The following CREM variants were observed in gnomAD, a reference collection of about 807,000 sequenced individuals.
CREM encodes the protein cAMP responsive element modulator.
A neutral mutation model predicts 37.3 loss-of-function variants in CREM; 13 were observed. The observed-to-expected ratio is 0.35, with a 90% CI of 0.23 to 0.55. The LOEUF is 0.55. Among genes scored for constraint, CREM ranks in the 20% least tolerant of loss-of-function variants. The probability of loss-of-function intolerance (pLI) is 0.88; values close to 1 mark genes in which losing one functional copy is unlikely to be tolerated. For missense variants in CREM, 296 were observed against 362.3 expected (o/e 0.82, Z 1.49); for synonymous variants, 124 against 120.2 (o/e 1.03, Z -0.21).
intron 1 of CREM, among the ~76,000 whole-genome samples, 154 bp from the exon 2 acceptor site, chr10:35,137,627 TG>T (rs1003418921): frequency 6.6e-6 from 1 of 151,950 alleles, no homozygotes; most frequent in South Asian, 2.1e-4. Flanking sequence ...TTTTTTTTGG[TG>T]GGGGGGAGTT....
At chr10:35,189,850 G>C (rs1019738823) in intron 6 of CREM, among the ~76,000 whole-genome samples, 5 of 152,168 alleles carry the variant, frequency 3.3e-5, no homozygotes, top group Non-Finnish European at 7.4e-5. Flanking sequence ...TGTCTTGCAG[G>C]TATGATAAGC....
In CREM at chr10:35,137,845, T is replaced by A; in HGVS notation, c.10T>A (p.Cys4Ser). The change falls in exon 2 of 8, where the codon TGT becomes AGT. Residue 4 changes from cysteine to serine, a missense_variant. Transcript: ENST00000685392. ...TACAAATATCTTAACAATGAGCAAA[T>A]GTGCAAGGAAAAAATATATTAAGAC... MSKCARKKYIKTNP... is the reference protein window; with the variant it reads MSKSARKKYIKTNP... 1.3e-6 allele frequency: 2 copies of A among 1,585,254 alleles called. No individual in the cohort carries two copies. Among genetic ancestry groups the A allele is most frequent in the Non-Finnish European group, 1.7e-6 (2 of 1,164,394 alleles).
At chr10:35,163,847 AAAC>A (rs1025921958) in intron 3 of CREM, among the ~76,000 whole-genome samples, 39 of 152,082 alleles carry the variant, frequency 2.6e-4, no homozygotes, top group African/African-American at 8.7e-4. Context: ...AAACAAAAAA[AAAC>A]AATTAGTTGA....
At chr10:35,156,642 T>C (rs2092934804) in intron 3 of CREM, among the ~76,000 whole-genome samples, 1 of 152,240 alleles carries the variant, frequency 6.6e-6, no homozygotes, top group Non-Finnish European at 1.5e-5. Flanking sequence ...AACAGAGGCT[T>C]TGGGAAATTT....
At position 35,211,906 on chromosome 10, in the gene CREM, CT is replaced by C. The variant is rs1266335944; in HGVS notation, c.*510del. 17 of 1,146,814 alleles carry C rather than the reference CT, an allele frequency of 1.5e-5. No individual in the cohort carries two copies. The highest frequency in any genetic ancestry group is 1.9e-5 in the Non-Finnish European group (16 of 846,052). The allele number at this position is 1,146,814 out of a possible 1,614,324, so 71.0% of individuals were successfully genotyped here. On this transcript the variant is annotated 3_prime_UTR_variant, in exon 8 of 8. Coordinates refer to ENST00000685392, the MANE Select transcript of CREM (RefSeq NM_183011.2). Reference sequence around the variant, plus strand: ...GGCTTCTTTTCTTTGTATCATTCATCTTCTTCTTTAATCACTTAACATTCCT... The same window carrying C: ...GGCTTCTTTTCTTTGTATCATTCATCTCTTCTTTAATCACTTAACATTCCT...
chr10:35,180,803 T>TCGTCCCCC (rs2094319654), intron 5 of CREM, among the ~76,000 whole-genome samples: 1 of 152,154 alleles, frequency 6.6e-6, no homozygotes, highest in African/African-American at 2.4e-5. Context: ...GCTGAGTGCC[T>TCGTCCCCC]CGTCCCCCCG....
At position 35,194,133 on chromosome 10, in the gene CREM, G is replaced by C. The variant is rs1176837222; in HGVS notation, c.598+5745G>C. On this transcript the variant is annotated intron_variant, in intron 6 of 7. Transcript: ENST00000685392. Reference sequence around the variant, plus strand: ...AAAAAAAAAAAAAAAAAGACAAAAGGTCTCAGTGGCATGTCACTTATTTTT... The same window carrying C: ...AAAAAAAAAAAAAAAAAGACAAAAGCTCTCAGTGGCATGTCACTTATTTTT... Among the ~76,000 whole-genome samples the C allele has an allele frequency of 2.9e-5, 3 of 102,452 alleles. No individual in the cohort carries two copies. In the East Asian group the frequency reaches 8.7e-4, roughly 30 times the overall value. 67.2% of individuals were successfully genotyped at this position (102,452 alleles called of 152,430 possible).
chr10:35,146,470 C>T (rs995531439), intron 2 of CREM, among the ~76,000 whole-genome samples: 11 of 152,196 alleles, frequency 7.2e-5, no homozygotes, highest in Middle Eastern at 6.8e-3. Flanking sequence ...TACCCTTTTT[C>T]CCCAGATAAT....
chr10:35,207,136 T>TA (rs1437859270), intron 7 of CREM, 85 bp downstream of exon 7: 5 of 1,418,936 alleles, frequency 3.5e-6, no homozygotes, highest in African/African-American at 1.4e-5. Flanking sequence ...CTCACGCCTG[T>TA]AATCCCAGCA....
At chr10:35,164,603 T>G (rs1032231808) in intron 3 of CREM, among the ~76,000 whole-genome samples, 7 of 152,236 alleles carry the variant, frequency 4.6e-5, no homozygotes, top group Non-Finnish European at 8.8e-5. Flanking sequence ...ATTTCAGATT[T>G]CATGGTAAGA....
intron 6 of CREM, among the ~76,000 whole-genome samples, chr10:35,191,149 C>T (rs965873645): frequency 2.8e-5 from 4 of 144,642 alleles, no homozygotes; most frequent in South Asian, 2.2e-4. Context: ...TTTTTCTTCA[C>T]GGAGATCTTG....
chr10:35,194,858 G>A (rs2095081282), intron 6 of CREM, among the ~76,000 whole-genome samples: 1 of 151,392 alleles, frequency 6.6e-6, no homozygotes, highest in Admixed American at 6.6e-5. Flanking sequence ...TAAAGAAGTA[G>A]CCCTGTAAGA....
chr10:35,211,474 T>C lies in CREM; in HGVS notation c.*76T>C. ...AGTCCTACTTATTGCCATGTGGACT[T>C]GTGGGAAGGACACGTGTGACCCTTA... On this transcript the variant is annotated 3_prime_UTR_variant, in exon 8 of 8. Transcript: ENST00000685392. 1 of 1,550,308 alleles carries C rather than the reference T, an allele frequency of 6.5e-7. No homozygotes were observed. The highest frequency in any genetic ancestry group is 8.7e-7 in the Non-Finnish European group (1 of 1,144,150).
intron 3 of CREM, among the ~76,000 whole-genome samples, chr10:35,157,438 C>T (rs1465880303): frequency 1.3e-5 from 2 of 151,984 alleles, no homozygotes; most frequent in Non-Finnish European, 2.9e-5. Flanking sequence ...AAGAGACCAG[C>T]CTGGGCAACA....
intron 3 of CREM, among the ~76,000 whole-genome samples, chr10:35,159,901 A>C (rs975128544): frequency 6.6e-6 from 1 of 152,254 alleles, no homozygotes; most frequent in East Asian, 1.9e-4. Context: ...AAAAATGTGC[A>C]GAAGACCCGA....
At chr10:35,168,986 T>C (rs2093679785) in intron 3 of CREM, among the ~76,000 whole-genome samples, 1 of 152,228 alleles carries the variant, frequency 6.6e-6, no homozygotes, top group Non-Finnish European at 1.5e-5. Context: ...TACCATGCTG[T>C]TTTGGTTACT....
chr10:35,156,688 G>T (rs932091291), intron 3 of CREM, among the ~76,000 whole-genome samples: 3 of 152,182 alleles, frequency 2.0e-5, no homozygotes, highest in Admixed American at 6.5e-5. Flanking sequence ...TATCTTCATA[G>T]TGCTCTCCAC....
At chr10:35,167,600 G>GT (rs1430199056) in intron 3 of CREM, 1 of 869,110 alleles carries the variant, frequency 1.2e-6, no homozygotes, top group Non-Finnish European at 1.9e-6. Context: ...ACACTGTGAG[G>GT]TTTTCCCAGT....
At chr10:35,127,261 G>A (rs2087956160) in intron 1 of CREM, 68 bp downstream of exon 1, 2 of 153,800 alleles carry the variant, frequency 1.3e-5, no homozygotes, top group African/African-American at 4.8e-5. Flanking sequence ...GGTGGAGGTG[G>A]AGGCAGGAGG....
Sources: gnomAD v4.1 joint callset for allele counts (sites outside exome capture counted in the v4.1 genomes callset) on GRCh38, gnomAD v4.1.1 for gene constraint, MANE v1.5 for transcripts, NCBI Gene and HGNC (gene_info 2026-07-23, HGNC 2026-07-21) for gene names.